GDF6: variants seen among roughly 807,000 people sequenced by gnomAD.
The protein encoded by GDF6 is growth/differentiation factor 6.
In GDF6, 3 loss-of-function variants were observed where a neutral mutation model predicts 32.4. The ratio of observed to expected loss-of-function variants is 0.09; its 90% CI spans 0.04 to 0.24. The LOEUF (loss-of-function observed/expected upper bound fraction) is 0.24. GDF6 is among the 10% of genes least tolerant of loss of function. The probability of loss-of-function intolerance (pLI) is 1.00; values close to 1 mark genes in which losing one functional copy is unlikely to be tolerated. For synonymous variants in GDF6, 296 were observed against 295.3 expected, an observed-to-expected ratio of 1.00 and a Z score of -0.03; for missense variants, 589 against 637.9, an observed-to-expected ratio of 0.92 and a Z score of 0.83.
intron 1 of GDF6, among the ~76,000 whole-genome samples, chr8:96,147,316 T>C (rs1812502943): frequency 6.6e-6 from 1 of 152,196 alleles, no homozygotes; most frequent in Admixed American, 6.5e-5. Context: ...GCCAAGACCT[T>C]CAAACAGACC....
intron 1 of GDF6, among the ~76,000 whole-genome samples, chr8:96,155,056 C>A (rs1004513667): frequency 1.8e-4 from 27 of 152,168 alleles, no homozygotes; most frequent in Non-Finnish European, 4.4e-5. Flanking sequence ...CCAGGCCTGT[C>A]GTGATCTGTG....
chr8:96,147,346 G>A (rs532459448), intron 1 of GDF6, among the ~76,000 whole-genome samples: 1 of 152,314 alleles, frequency 6.6e-6, no homozygotes, highest in Admixed American at 6.5e-5. Flanking sequence ...TTAAAATCAG[G>A]CGGAATTCAG....
intron 1 of GDF6, among the ~76,000 whole-genome samples, chr8:96,150,227 C>T (rs1050153175): frequency 1.3e-5 from 2 of 152,202 alleles, no homozygotes; most frequent in Admixed American, 1.3e-4. Flanking sequence ...GCGCACCTGG[C>T]TCACATCTCT....
At position 96,145,802 on chromosome 8, in the gene GDF6, G is replaced by A. The variant is rs1273622029; in HGVS notation, c.407-278C>T. Among the ~76,000 whole-genome samples, 1 of 152,102 alleles carries A rather than the reference G, an allele frequency of 6.6e-6. No individual in the cohort carries two copies. The highest frequency in any genetic ancestry group is 6.5e-5 in the Admixed American group (1 of 15,284). ...GGCGAGGCGGCGGCGGCGGCCTACC[G>A]GGTTTTCCCCCCAAAAGGCTTCGTA... On this transcript the variant is annotated intron_variant, in intron 1 of 1. Coordinates refer to ENST00000287020, the MANE Select transcript of GDF6 (RefSeq NM_001001557.4). The surrounding 1 kb of genome is among the most constrained non-coding windows in gnomAD (Gnocchi z 5.6).
intron 1 of GDF6, among the ~76,000 whole-genome samples, chr8:96,149,922 G>C (rs528912294): frequency 6.6e-6 from 1 of 152,318 alleles, no homozygotes; most frequent in South Asian, 2.1e-4. Context: ...GACTCTGTGC[G>C]CTTGCCCACT....
chr8:96,149,662 A>T (rs1812535582), intron 1 of GDF6, among the ~76,000 whole-genome samples: 1 of 152,184 alleles, frequency 6.6e-6, no homozygotes, highest in Non-Finnish European at 1.5e-5. Context: ...TAAAATTTTA[A>T]CTAAAAAAAG....
chr8:96,150,332 T>G (rs945053941), intron 1 of GDF6, among the ~76,000 whole-genome samples: 1 of 152,244 alleles, frequency 6.6e-6, no homozygotes, highest in Non-Finnish European at 1.5e-5. Flanking sequence ...ACTAGGCCAC[T>G]GTCCAGAAAG....
At chr8:96,148,288 G>T (rs1369574408) in intron 1 of GDF6, among the ~76,000 whole-genome samples, 1 of 152,236 alleles carries the variant, frequency 6.6e-6, no homozygotes, top group Non-Finnish European at 1.5e-5. Context: ...GCTGTGCACA[G>T]TTTCACAGGT....
intron 1 of GDF6, among the ~76,000 whole-genome samples, chr8:96,151,866 C>T (rs1316526253): frequency 6.6e-6 from 1 of 152,154 alleles, no homozygotes; most frequent in Admixed American, 6.5e-5. Flanking sequence ...CTCTCCCAGC[C>T]TCATATGCCT....
intron 1 of GDF6, among the ~76,000 whole-genome samples, chr8:96,147,887 C>T (rs1812510006): frequency 6.6e-6 from 1 of 152,200 alleles, no homozygotes; most frequent in Non-Finnish European, 1.5e-5. Context: ...GCTTACACAA[C>T]TCTTGAGATG....
At chr8:96,157,861 G>T (rs1812694851) in intron 1 of GDF6, among the ~76,000 whole-genome samples, 1 of 152,284 alleles carries the variant, frequency 6.6e-6, no homozygotes, top group African/African-American at 2.4e-5. Flanking sequence ...CCAGCCTGAG[G>T]TCACCGCCGG....
At chr8:96,150,254 T>C (rs1286687837) in intron 1 of GDF6, among the ~76,000 whole-genome samples, 2 of 152,122 alleles carry the variant, frequency 1.3e-5, no homozygotes, top group Non-Finnish European at 2.9e-5. Flanking sequence ...GCAGTGACCC[T>C]GGATAGCTAC....
At position 96,145,230 on chromosome 8, in the gene GDF6, C is replaced by T. The variant is rs748092776; in HGVS notation, c.701G>A (p.Arg234Gln). ...QPWKQLCLELRAAWGELDAGE... is the reference protein window; with the variant it reads ...QPWKQLCLELQAAWGELDAGE... The stretch of plus-strand genomic sequence containing the variant: ...GGCGTCCAGCTCGCCCCATGCGGCC[C>T]GCAGCTCCAAGCACAGCTGCTTCCA... Residue 234 changes from arginine (R) to glutamine (Q), a missense_variant, in exon 2 of 2, where the codon CGG becomes CAG. Arg to Gln is a conservative substitution (Grantham distance 43). Around this residue, in one of 2 missense-constraint regions of GDF6, gnomAD observed 436 missense variants for 411.2 expected, o/e 1.06. Coordinates refer to ENST00000287020, the MANE Select transcript of GDF6 (RefSeq NM_001001557.4). The surrounding 1 kb of genome is among the most constrained non-coding windows in gnomAD (Gnocchi z 5.6). 6.6e-7 allele frequency: 1 copy of T among 1,515,740 alleles called. No individual in the cohort carries two copies. The allele number at this position is 1,515,740 out of a possible 1,614,324, so 93.9% of individuals were successfully genotyped here.
intron 1 of GDF6, among the ~76,000 whole-genome samples, chr8:96,158,252 A>C (rs1178694042): frequency 6.6e-6 from 1 of 151,996 alleles, no homozygotes; most frequent in Non-Finnish European, 1.5e-5. Flanking sequence ...GCCTCCCCAG[A>C]CTGGGTGCAC....
intron 1 of GDF6, among the ~76,000 whole-genome samples, chr8:96,149,186 C>G (rs1812530629): frequency 6.6e-6 from 1 of 152,252 alleles, no homozygotes; most frequent in African/African-American, 2.4e-5. Flanking sequence ...ACTAAAAAAA[C>G]ATGCACTTGT....
Position 96,145,321 on chromosome 8 carries a change from G to T in GDF6, c.610C>A (p.Pro204Thr), listed in dbSNP as rs1198107490. 3 of 1,535,698 alleles carry T rather than the reference G, an allele frequency of 2.0e-6. No individual in the cohort carries two copies. The highest frequency in any genetic ancestry group is 1.4e-5 in the African/African-American group (1 of 73,272). ...PLLLDARTLD[P>T]QGAPPAGWEV... ...CAGCCGGCCGGCGGCGCCCCCTGCG[G>T]GTCCAGGGTCCGCGCGTCCAGCAGT... Residue 204 changes from proline (P) to threonine (T), a missense_variant, in exon 2 of 2, where the codon CCG becomes ACG. Coordinates refer to ENST00000287020, the MANE Select transcript of GDF6 (RefSeq NM_001001557.4). This position sits in a 1 kb window ranked among gnomAD's most constrained non-coding sequence, Gnocchi z 5.6.
intron 1 of GDF6, among the ~76,000 whole-genome samples, chr8:96,159,546 T>C (rs1171410300): frequency 6.6e-6 from 1 of 152,172 alleles, no homozygotes; most frequent in African/African-American, 2.4e-5. Flanking sequence ...GGCATACCCA[T>C]GTACCTTTGT....
chr8:96,147,882 C>T (rs1812509931), intron 1 of GDF6, among the ~76,000 whole-genome samples: 1 of 152,212 alleles, frequency 6.6e-6, no homozygotes, highest in South Asian at 2.1e-4. Context: ...TCTTTGCTTA[C>T]ACAACTCTTG....
Position 96,145,006 on chromosome 8 carries a change from C to T in GDF6, c.925G>A (p.Ala309Thr). Residue 309 changes from alanine (A) to threonine (T), a missense_variant, in exon 2 of 2, where the codon GCC (alanine) becomes ACC (threonine). Ala to Thr is a moderately conservative substitution (Grantham distance 58, BLOSUM62 0). Around this residue, in one of 2 missense-constraint regions of GDF6, gnomAD observed 153 missense variants for 226.7 expected, o/e 0.67. Transcript: ENST00000287020. The surrounding 1 kb of genome is among the most constrained non-coding windows in gnomAD (Gnocchi z 5.6). ...SAEAAGPGAGAEGSWPPPSGA... is the reference protein window; with the variant it reads ...SAEAAGPGAGTEGSWPPPSGA... ...GACGGCGGCGGCCACGACCCCTCGG[C>T]GCCCGCGCCCGGGCCCGCAGCCTCG... 7.2e-7 allele frequency: 1 copy of T among 1,383,968 alleles called. No homozygotes were observed. The highest frequency in any genetic ancestry group is 9.4e-7 in the Non-Finnish European group (1 of 1,067,878). 85.7% of individuals were successfully genotyped at this position (1,383,968 alleles called of 1,614,324 possible). A position where few individuals can be genotyped will look rare whatever the true frequency, so the allele number is the denominator to read the frequency against.
Sources: allele counts gnomAD v4.1 joint callset (sites outside exome capture counted in the v4.1 genomes callset), GRCh38; gene constraint gnomAD v4.1.1; regional missense constraint gnomAD v4.1.1; non-coding constraint Gnocchi (gnomAD v3.1); transcripts MANE v1.5; gene names NCBI Gene and HGNC (gene_info 2026-07-23, HGNC 2026-07-21).